SMC1B: variants seen among roughly 807,000 people sequenced by gnomAD.
The protein encoded by SMC1B is structural maintenance of chromosomes 1B, also known as structural maintenance of chromosomes protein 1B.
SMC1B carries 60 observed loss-of-function variants against 157.9 expected under a neutral mutation model. The ratio of observed to expected loss-of-function variants is 0.38; its 90% confidence interval spans 0.31 to 0.47. SMC1B has a LOEUF of 0.47. Among genes scored for constraint, SMC1B ranks in the 20% least tolerant of loss-of-function variants. The probability of loss-of-function intolerance (pLI) is 0.99; values close to 1 mark genes in which losing one functional copy is unlikely to be tolerated. For missense variants in SMC1B, 1,165 were observed against 1,426.2 expected (o/e 0.82, Z 2.95); for synonymous variants, 445 against 483.0 (o/e 0.92, Z 1.03).
At chr22:45,356,727 C>CTTT (rs1174032906) in intron 19 of SMC1B, among the ~76,000 whole-genome samples, 8 of 126,428 alleles carry the variant, frequency 6.3e-5, no homozygotes, top group Non-Finnish European at 1.0e-4. Flanking sequence ...TTTTTCTTTT[C>CTTT]TTTTTTTTTT....
intron 5 of SMC1B, among the ~76,000 whole-genome samples, chr22:45,400,891 G>T (rs915401135): frequency 6.6e-6 from 1 of 152,102 alleles, no homozygotes; most frequent in Admixed American, 6.5e-5. Context: ...TGTATCTTCA[G>T]TCTAATTATG....
At chr22:45,399,817 T>C (rs901409757) in intron 5 of SMC1B, among the ~76,000 whole-genome samples, 3 of 152,192 alleles carry the variant, frequency 2.0e-5, no homozygotes, top group East Asian at 3.8e-4. Flanking sequence ...AAGAATTGTA[T>C]ATAAGTACTA....
At chr22:45,353,941 G>C (rs71330798) in intron 21 of SMC1B, 37 bp downstream of exon 21, 5 of 480,836 alleles carry the variant, frequency 1.0e-5, no homozygotes, top group African/African-American at 8.7e-5. Flanking sequence ...CGGTAACACA[G>C]AATTCTCACT....
Position 45,345,528 on chromosome 22 carries a change from C to T in SMC1B, c.3537G>A (p.Gln1179=). 6.2e-7 allele frequency: 1 copy of T among 1,613,976 alleles called. No homozygotes were observed. Among genetic ancestry groups the T allele is most frequent in the Non-Finnish European group, 8.5e-7 (1 of 1,179,858 alleles). The change falls in exon 24 of 25, where the codon CAG becomes CAA. Residue 1179 remains glutamine, a synonymous_variant. Transcript: ENST00000357450. ...YIKEQTQDQF[Q]MIVISLKEEF... is the part of the protein sequence containing the mutation. ...CTTCTTTTAGGGAGATGACTATCAT[C>T]TGAAACTGGTCTTGAGTTTGCTCTT...
rs939495671 is a variant in SMC1B at position 45,394,721 on chromosome 22, C to T, written c.1301G>A (p.Arg434Gln). The stretch of plus-strand genomic sequence containing the variant: ...TGTATACTCCTCTAACTTCTCTATT[C>T]GTTTTTTATGATCTTCTATTTGTTC... Reference protein sequence around the residue: ...IKEQIEDHKKRIEKLEEYTKT... With the variant: ...IKEQIEDHKKQIEKLEEYTKT... The change falls in exon 8 of 25, where the codon CGA becomes CAA. Residue 434 changes from arginine to glutamine, a missense_variant. Coordinates refer to ENST00000357450, the MANE Select transcript of SMC1B (RefSeq NM_148674.5). The T allele has an allele frequency of 5.7e-5, 89 of 1,562,034 alleles. No individual in the cohort carries two copies. The highest frequency in any genetic ancestry group is 7.4e-5 in the Non-Finnish European group (85 of 1,147,736).
chr22:45,408,254 T>C (rs1207242437), intron 2 of SMC1B, among the ~76,000 whole-genome samples: 1 of 152,080 alleles, frequency 6.6e-6, no homozygotes, highest in Non-Finnish European at 1.5e-5. Flanking sequence ...GCCTCCCGAG[T>C]AGCTGGGACT....
rs936671415 is a variant in SMC1B at position 45,346,693 on chromosome 22, T to C, written c.3496-1124A>G. Among the ~76,000 whole-genome samples the C allele has an allele frequency of 5.1e-4, 77 of 152,276 alleles. 1 individual carries two copies. The highest frequency in any genetic ancestry group is 1.6e-4 in the Non-Finnish European group (11 of 68,026). ...TTAGAGGCAATGGTAGTAGCCACTA[T>C]GACAGGGCTGAAAAAAGGTCTTGGG... On this transcript the variant is annotated intron_variant, in intron 23 of 24. Transcript: ENST00000357450.
At chr22:45,402,243 T>C (rs1602094849) in intron 5 of SMC1B, 90 bp downstream of exon 5, 3 of 940,138 alleles carry the variant, frequency 3.2e-6, no homozygotes, top group East Asian at 4.8e-5. Context: ...AAGCTTATTT[T>C]TAAAATCAAT....
intron 11 of SMC1B, among the ~76,000 whole-genome samples, chr22:45,385,373 G>A: frequency 6.6e-6 from 1 of 152,060 alleles, no homozygotes; most frequent in Non-Finnish European, 1.5e-5. Flanking sequence ...ATGGTATCAA[G>A]TATATAGAAA....
At chr22:45,412,126 C>T (rs1265227755) in intron 1 of SMC1B, among the ~76,000 whole-genome samples, 6 of 152,116 alleles carry the variant, frequency 3.9e-5, no homozygotes, top group Non-Finnish European at 5.9e-5. Context: ...GTGATCCGCC[C>T]GCCTCGGCCT....
In SMC1B at chr22:45,406,841, T is replaced by C. The variant is rs780611915; in HGVS notation, c.323A>G (p.Asn108Ser). 5.1e-6 allele frequency: 8 copies of C among 1,572,436 alleles called. No homozygotes were observed. In the East Asian group the frequency reaches 1.1e-4, roughly 22 times the overall value. Residue 108 changes from asparagine (N) to serine (S), a missense_variant, in exon 3 of 25, where the codon AAT becomes AGT. Coordinates refer to ENST00000357450, the MANE Select transcript of SMC1B (RefSeq NM_148674.5). The stretch of plus-strand genomic sequence containing the variant: ...AACAGAACGACTCACAAGATTATCA[T>C]TAAAGCGAAATTCTGAGCATCCCCC... ...IRGGCSEFRF[N>S]DNLVSRSVYI... is the part of the protein sequence containing the mutation.
intron 9 of SMC1B, among the ~76,000 whole-genome samples, chr22:45,391,951 A>C (rs1206280751): frequency 6.6e-6 from 1 of 151,816 alleles, no homozygotes; most frequent in African/African-American, 2.4e-5. Context: ...CCAATTCACC[A>C]GTGTTTTTTT....
chr22:45,379,140 C>A (rs1319561706), intron 12 of SMC1B, among the ~76,000 whole-genome samples: 1 of 152,158 alleles, frequency 6.6e-6, no homozygotes, highest in Non-Finnish European at 1.5e-5. Flanking sequence ...TGCCACCAAG[C>A]CCAGCTAATT....
chr22:45,349,497 G>GC (rs1179919577), intron 23 of SMC1B, among the ~76,000 whole-genome samples: 5 of 32,166 alleles, frequency 1.6e-4, no homozygotes, highest in South Asian at 7.8e-4. Flanking sequence ...CACCACACCT[G>GC]GCTAATTTTT....
chr22:45,412,801 G>A (rs758262246), intron 1 of SMC1B, among the ~76,000 whole-genome samples: 1 of 152,106 alleles, frequency 6.6e-6, no homozygotes. Context: ...CAGGAACTTA[G>A]GAAAAGCTCA....
In SMC1B at chr22:45,389,200, T is replaced by C. The variant is rs2087028566; in HGVS notation, c.1731+512A>G. ...ATTTTCTTGAGTAATCAATGAAAAATCACTGAAGGATATCAATCATGATAT... is the reference window on the plus strand; with the variant it reads ...ATTTTCTTGAGTAATCAATGAAAAACCACTGAAGGATATCAATCATGATAT... On this transcript the variant is annotated intron_variant, in intron 10 of 24. Transcript: ENST00000357450. Among the ~76,000 whole-genome samples, 4 of 152,176 alleles carry C rather than the reference T, an allele frequency of 2.6e-5. No homozygotes were observed. In the South Asian group the frequency reaches 8.3e-4, roughly 32 times the overall value.
At chr22:45,374,529 T>A (rs2086866803) in intron 12 of SMC1B, among the ~76,000 whole-genome samples, 2 of 152,240 alleles carry the variant, frequency 1.3e-5, no homozygotes, top group Non-Finnish European at 2.9e-5. Context: ...TAGTCTTGCC[T>A]AATGTTTTTG....
In SMC1B at chr22:45,378,833, T is replaced by C. The variant is rs991197076; in HGVS notation, c.2058+4634A>G. 8.5e-5 allele frequency among the ~76,000 whole-genome samples: 13 copies of C among 152,250 alleles called. 1 individual carries two copies. Among genetic ancestry groups the C allele is most frequent in the Non-Finnish European group, 1.5e-5 (1 of 68,038 alleles). On this transcript the variant is annotated intron_variant, in intron 12 of 24. Coordinates refer to ENST00000357450, the MANE Select transcript of SMC1B (RefSeq NM_148674.5). ...CTTATGTTACATATAATCTTCTTTA[T>C]TCAATTAAATTGTAAGTACTTACTG... is the stretch of plus-strand genomic sequence containing the variant.
chr22:45,386,874 C>G lies in SMC1B; in HGVS notation c.1904G>C (p.Arg635Thr), dbSNP rs1306252020. 6.2e-7 allele frequency: 1 copy of G among 1,612,612 alleles called. No individual in the cohort carries two copies. The highest frequency in any genetic ancestry group is 2.2e-5 in the East Asian group (1 of 44,836). ...CCAAGCCTCTTTTCTTACTTTCTGT[C>G]TTTCAGGTCCACTGAGTGCAATATG... ...ARHIALSGPE[R>T]QKTVALDGTL... The change falls in exon 11 of 25, where the codon AGA becomes ACA. Residue 635 changes from arginine to threonine, a missense_variant. By Grantham distance (71) the Arg-to-Thr change is moderately conservative. Transcript: ENST00000357450.
Sources: gnomAD v4.1 joint callset for allele counts (sites outside exome capture counted in the v4.1 genomes callset) on GRCh38, gnomAD v4.1.1 for gene constraint, MANE v1.5 for transcripts, NCBI Gene and HGNC (gene_info 2026-07-23, HGNC 2026-07-21) for gene names.